Variants in GOLGB1 observed in about 807,000 individuals in gnomAD.
The protein encoded by GOLGB1 is golgin B1.
Under a neutral mutation model 336.9 loss-of-function variants are expected in GOLGB1, and 174 were observed. The observed-to-expected ratio is 0.52, with a 90% CI of 0.46 to 0.59. The LOEUF (loss-of-function observed/expected upper bound fraction) is 0.59. Among genes scored for constraint, GOLGB1 ranks in the 20% least tolerant of loss-of-function variants. The probability of loss-of-function intolerance (pLI) is 0.00; values close to 1 mark genes in which losing one functional copy is unlikely to be tolerated. For missense variants in GOLGB1, 3,331 were observed against 3,645.3 expected (o/e 0.91, Z 2.22); for synonymous variants, 1,208 against 1,289.2 (o/e 0.94, Z 1.35).
At position 121,681,807 on chromosome 3, in the gene GOLGB1, T is replaced by G. The variant is rs766976708; in HGVS notation, c.8753A>C (p.Glu2918Ala). 3.7e-6 allele frequency: 6 copies of G among 1,603,240 alleles called. No individual in the cohort carries two copies. ...AAGTTGAGCCTTCAGTGGATGTAAC[T>G]CAGTGATCTCTTGATTAATCTGTAA... ...QYLQINQEIT[E>A]LHPLKAQLQE... The change falls in exon 15 of 22, where the codon GAG becomes GCG. Residue 2918 changes from glutamate (E) to alanine (A), a missense_variant. By Grantham distance (107) the Glu-to-Ala change is moderately radical (BLOSUM62 -1). Coordinates refer to ENST00000614479, the MANE Select transcript of GOLGB1 (RefSeq NM_001366282.2).
chr3:121,672,107 G>A (rs1476609756), intron 17 of GOLGB1, among the ~76,000 whole-genome samples: 4 of 152,204 alleles, frequency 2.6e-5, no homozygotes, highest in Non-Finnish European at 5.9e-5. Flanking sequence ...AAACATGGGA[G>A]TACAGATGTC....
At chr3:121,743,421 A>C (rs1947022901) in intron 1 of GOLGB1, among the ~76,000 whole-genome samples, 1 of 152,246 alleles carries the variant, frequency 6.6e-6, no homozygotes, top group African/African-American at 2.4e-5. Context: ...CAATGAGAAC[A>C]CTTGGACACA....
chr3:121,719,858 T>C (rs1945055794), intron 6 of GOLGB1, 90 bp from the exon 7 acceptor site: 1 of 1,125,592 alleles, frequency 8.9e-7, no homozygotes, highest in Non-Finnish European at 1.2e-6. Flanking sequence ...AGACAGACAC[T>C]GAGACTTGAT....
Position 121,697,476 on chromosome 3 carries a change from C to G in GOLGB1, c.3047G>C (p.Arg1016Thr). ...NRKELLQRVS[R>T]LEEELANLKD... is the part of the protein sequence containing the mutation. ...CAAGTTGGCTAATTCTTCTTCCAAT[C>G]TACTGACTCTTTGCAGAAGCTCCTT... Residue 1016 changes from arginine (R) to threonine (T), a missense_variant, in exon 13 of 22, where the codon AGA (arginine) becomes ACA (threonine). Transcript: ENST00000614479. 1 of 1,611,594 alleles carries G rather than the reference C, an allele frequency of 6.2e-7. No individual in the cohort carries two copies. The highest frequency in any genetic ancestry group is 8.5e-7 in the Non-Finnish European group (1 of 1,179,522).
chr3:121,721,926 C>G (rs1945225651), intron 6 of GOLGB1, among the ~76,000 whole-genome samples: 1 of 152,162 alleles, frequency 6.6e-6, no homozygotes, highest in Non-Finnish European at 1.5e-5. Flanking sequence ...CTTTTGAACT[C>G]AGCATGAGTC....
At chr3:121,667,450 CA>C in intron 20 of GOLGB1, 25 bp downstream of exon 20, 1 of 1,607,862 alleles carries the variant, frequency 6.2e-7, no homozygotes. Context: ...CGGAAGGGAA[CA>C]GAGGCTATCT....
intron 13 of GOLGB1, among the ~76,000 whole-genome samples, chr3:121,693,282 T>A (rs1377067647): frequency 6.6e-6 from 1 of 151,978 alleles, no homozygotes; most frequent in Non-Finnish European, 1.5e-5. Flanking sequence ...AGGTCAGGAG[T>A]TCGAGACCAG....
In GOLGB1 at chr3:121,714,996, T is replaced by C. The variant is rs371640196; in HGVS notation, c.1289-20A>G. 1.5e-4 allele frequency: 190 copies of C among 1,268,552 alleles called. No individual in the cohort carries two copies. The highest frequency in any genetic ancestry group is 5.4e-5 in the Non-Finnish European group (47 of 866,810). The allele number at this position is 1,268,552 out of a possible 1,614,324, so 78.6% of individuals were successfully genotyped here. A position where few individuals can be genotyped will look rare whatever the true frequency, so the allele number is the denominator to read the frequency against. ...GCTGATCTAAGGAAAAGAAAAAAAA[T>C]AAATGTAATATTTGCTTCAAGTCTG... On this transcript the variant is annotated intron_variant, in intron 9 of 21. Transcript: ENST00000614479.
At position 121,665,041 on chromosome 3, in the gene GOLGB1, GAA is replaced by G; in HGVS notation, c.9555-12_9555-11del. The G allele has an allele frequency of 6.7e-7, 1 of 1,484,232 alleles. No individual in the cohort carries two copies. Among genetic ancestry groups the G allele is most frequent in the Non-Finnish European group, 9.4e-7 (1 of 1,066,466 alleles). 91.9% of individuals were successfully genotyped at this position (1,484,232 alleles called of 1,614,324 possible). A position where few individuals can be genotyped will look rare whatever the true frequency, so the allele number is the denominator to read the frequency against. ...TTCACTGTGCTCTAACCTGAGTTGA[GAA>G]AAAAAAGAGGCATAGCATTGGTTCA... On this transcript the variant is annotated splice_polypyrimidine_tract_variant and intron_variant, in intron 20 of 21. Coordinates refer to ENST00000614479, the MANE Select transcript of GOLGB1 (RefSeq NM_001366282.2).
Position 121,697,716 on chromosome 3 carries a change from A to T in GOLGB1, c.2807T>A (p.Leu936His), listed in dbSNP as rs75688527. The T allele has an allele frequency of 1.3e-5, 21 of 1,613,904 alleles. No individual in the cohort carries two copies. In the East Asian group the frequency reaches 4.5e-4, roughly 34 times the overall value. Residue 936 changes from leucine to histidine, a missense_variant, in exon 13 of 22, where the codon CTT becomes CAT. Physicochemically the swap from Leu to His is moderately conservative, Grantham distance 99. Coordinates refer to ENST00000614479, the MANE Select transcript of GOLGB1 (RefSeq NM_001366282.2). ...GGATAATAAATTTAGCTGTTCTTTA[A>T]GAGTCTTAATTTCAACCCCAAGAGA... is the stretch of plus-strand genomic sequence containing the variant. ...KFSLGVEIKTLKEQLNLLSRA... is the reference protein window; with the variant it reads ...KFSLGVEIKTHKEQLNLLSRA...
chr3:121,714,796 G>A (rs1944626222), intron 10 of GOLGB1, 65 bp downstream of exon 10: 3 of 1,011,318 alleles, frequency 3.0e-6, no homozygotes, highest in African/African-American at 3.2e-5. Flanking sequence ...CCTCATTAGA[G>A]CACCGAAGTA....
Position 121,694,983 on chromosome 3 carries a change from A to G in GOLGB1, c.5540T>C (p.Ile1847Thr), listed in dbSNP as rs2107824169. Reference protein sequence around the residue: ...HDEINNYLQQIDQLKERIAGL... With the variant: ...HDEINNYLQQTDQLKERIAGL... The stretch of plus-strand genomic sequence containing the variant: ...AGCAATTCTTTCTTTGAGCTGATCA[A>G]TCTGCTGTAGGTAGTTATTAATTTC... Residue 1847 changes from isoleucine to threonine, a missense_variant, in exon 13 of 22, where the codon ATT becomes ACT. By Grantham distance (89) the Ile-to-Thr change is moderately conservative. Coordinates refer to ENST00000614479, the MANE Select transcript of GOLGB1 (RefSeq NM_001366282.2). 3 of 1,614,098 alleles carry G rather than the reference A, an allele frequency of 1.9e-6. No individual in the cohort carries two copies. The highest frequency in any genetic ancestry group is 8.5e-7 in the Non-Finnish European group (1 of 1,179,980).
At chr3:121,746,004 T>C (rs1450857436) in intron 1 of GOLGB1, among the ~76,000 whole-genome samples, 1 of 152,110 alleles carries the variant, frequency 6.6e-6, no homozygotes, top group Admixed American at 6.6e-5. Flanking sequence ...AACAGAACAA[T>C]ATGCACAGGA....
intron 1 of GOLGB1, among the ~76,000 whole-genome samples, chr3:121,732,081 G>A (rs1205300655): frequency 1.3e-5 from 2 of 152,114 alleles, no homozygotes; most frequent in Non-Finnish European, 2.9e-5. Flanking sequence ...AAATGGGTCA[G>A]TTCACTGAAA....
intron 10 of GOLGB1, among the ~76,000 whole-genome samples, chr3:121,708,437 G>A (rs1311859811): frequency 6.6e-6 from 1 of 151,784 alleles, no homozygotes; most frequent in Admixed American, 6.6e-5. Flanking sequence ...TTAGTTTGAG[G>A]CCAGCCTGGG....
In GOLGB1 at chr3:121,691,018, T is replaced by A. The variant is rs1485798580; in HGVS notation, c.8346A>T (p.Leu2782Phe). The change falls in exon 14 of 22, where the codon TTA becomes TTT. Residue 2782 changes from leucine to phenylalanine, a missense_variant. Physicochemically the swap from Leu to Phe is conservative, Grantham distance 22. Coordinates refer to ENST00000614479, the MANE Select transcript of GOLGB1 (RefSeq NM_001366282.2). ...AAAGAAGAGCATCTCTCTCTCTGTT[T>A]AAGAGTCCCTGTTCTTTCAACTGTG... ...ELAQLKEQGLLNRERDALLSE... is the reference protein window; with the variant it reads ...ELAQLKEQGLFNRERDALLSE... 1 of 1,613,920 alleles carries A rather than the reference T, an allele frequency of 6.2e-7. No homozygotes were observed. The highest frequency in any genetic ancestry group is 8.5e-7 in the Non-Finnish European group (1 of 1,179,844).
intron 10 of GOLGB1, among the ~76,000 whole-genome samples, chr3:121,706,443 A>C (rs1576379688): frequency 6.6e-6 from 1 of 152,090 alleles, no homozygotes; most frequent in African/African-American, 2.4e-5. Flanking sequence ...CTTATTAAAA[A>C]CAAAATGCAA....
Position 121,741,230 on chromosome 3 carries a change from C to T in GOLGB1, c.-3+8402G>A, listed in dbSNP as rs182085849. On this transcript the variant is annotated intron_variant, in intron 1 of 21. Transcript: ENST00000614479. ...AATTTACTAGAGGCAAAACTTGAGGCAATCCAAATGACTAAAGAAACATCA... is the reference window on the plus strand; with the variant it reads ...AATTTACTAGAGGCAAAACTTGAGGTAATCCAAATGACTAAAGAAACATCA... 1.3e-4 allele frequency among the ~76,000 whole-genome samples: 20 copies of T among 152,066 alleles called. No homozygotes were observed. In the East Asian group the frequency reaches 2.3e-3, roughly 18 times the overall value.
At chr3:121,733,838 A>G (rs982115059) in intron 1 of GOLGB1, among the ~76,000 whole-genome samples, 1 of 152,356 alleles carries the variant, frequency 6.6e-6, no homozygotes, top group Non-Finnish European at 1.5e-5. Flanking sequence ...TTGTGGAACA[A>G]TTGGACATCT....
Sources: allele counts gnomAD v4.1 joint callset (sites outside exome capture counted in the v4.1 genomes callset), GRCh38; gene constraint gnomAD v4.1.1; transcripts MANE v1.5; gene names NCBI Gene and HGNC (gene_info 2026-07-23, HGNC 2026-07-21).